The following ANO1 variants were observed in gnomAD, a reference collection of about 807,000 sequenced individuals.
ANO1 encodes the protein anoctamin 1.
In ANO1, 59 loss-of-function variants were observed where a neutral mutation model predicts 124.0. The observed-to-expected ratio is 0.48, with a 90% CI of 0.39 to 0.59. The LOEUF is 0.59. ANO1 is among the 20% of genes least tolerant of loss of function. The pLI is 0.00. For synonymous variants in ANO1, 529 were observed against 532.0 expected, an observed-to-expected ratio of 0.99 and a Z score of 0.08; for missense variants, 1,059 against 1,328.0, an observed-to-expected ratio of 0.80 and a Z score of 3.15.
chr11:70,171,745 T>C (rs1269459687), intron 22 of ANO1, among the ~76,000 whole-genome samples: 4 of 152,158 alleles, frequency 2.6e-5, no homozygotes, highest in African/African-American at 2.4e-5. Flanking sequence ...GGAGGATACA[T>C]AGCTTGAGCT....
At chr11:70,083,154 C>T (rs1314294219) in intron 1 of ANO1, among the ~76,000 whole-genome samples, 9 of 152,202 alleles carry the variant, frequency 5.9e-5, no homozygotes, top group Admixed American at 4.6e-4. Flanking sequence ...CTGTCCTCCC[C>T]TAGTTCTTTA....
At position 70,179,633 on chromosome 11, in the gene ANO1, G is replaced by A. The variant is rs369552311; in HGVS notation, c.2351-371G>A. Among the ~76,000 whole-genome samples, 21 of 152,344 alleles carry A rather than the reference G, an allele frequency of 1.4e-4. 1 individual carries two copies. The highest frequency in any genetic ancestry group is 3.4e-4 in the African/African-American group (14 of 41,576). On this transcript the variant is annotated intron_variant, in intron 22 of 25. Coordinates refer to ENST00000355303, the MANE Select transcript of ANO1 (RefSeq NM_018043.7). ...CTATCCCTAAATACAGGTATCCTCC[G>A]CCAGAGCTTTAGGAGCTGCACCCCA... is the stretch of plus-strand genomic sequence containing the variant.
chr11:70,076,836 T>G (rs2044064608), upstream of ANO1, among the ~76,000 whole-genome samples: 1 of 152,120 alleles, frequency 6.6e-6, no homozygotes, highest in Admixed American at 6.5e-5. Flanking sequence ...AATGGGAGAG[T>G]CTCACTGAGG....
intron 16 of ANO1, among the ~76,000 whole-genome samples, chr11:70,158,035 A>G (rs79083860): frequency 0.11 from 17,062 of 151,178 alleles, 1,154 homozygotes; most frequent in South Asian, 0.23. Flanking sequence ...CCAAAACATG[A>G]CTTGAGCCCT....
At chr11:69,972,186 CAAAAAAAAA>C in the ANO1 span, among the ~76,000 whole-genome samples, 1 of 86,562 alleles carries the variant, frequency 1.2e-5, no homozygotes, top group Admixed American at 1.3e-4. Flanking sequence ...GACTCCGTCT[CAAAAAAAAA>C]AAAAAAAAAA....
chr11:70,167,173 G>C (rs1486400255), intron 20 of ANO1, 69 bp from the exon 21 acceptor site: 6 of 1,564,798 alleles, frequency 3.8e-6, no homozygotes, highest in Non-Finnish European at 5.2e-6. Context: ...CACATCACTA[G>C]AGGTGCCAGA....
intron 23 of ANO1, among the ~76,000 whole-genome samples, chr11:70,180,408 G>C (rs2048886000): frequency 6.6e-6 from 1 of 152,088 alleles, no homozygotes; most frequent in South Asian, 2.1e-4. Context: ...AAGTAGCCGG[G>C]ATTACAGGCA....
rs2049197418 is a variant in ANO1, at chr11:70,187,898, A to G, written c.2855A>G (p.Glu952Gly). 6.3e-7 allele frequency: 1 copy of G among 1,599,024 alleles called. No homozygotes were observed. Among genetic ancestry groups the G allele is most frequent in the East Asian group, 2.3e-5 (1 of 44,228 alleles). Residue 952 changes from glutamate to glycine, a missense_variant, in exon 26 of 26, where the codon GAG becomes GGG. Physicochemically the swap from Glu to Gly is moderately conservative, Grantham distance 98. Around this residue, in one of 2 missense-constraint regions of ANO1, gnomAD observed 809 missense variants for 1,094.9 expected, o/e 0.74. Transcript: ENST00000355303. ...QQLLETWMEK[E>G]RQKDEPPCNH... ...CTGCTGGAAACCTGGATGGAGAAGG[A>G]GCGGCAGAAGGACGAGCCGCCGTGC...
chr11:70,011,849 C>T (rs1186520613), intron 1 of ANO1, among the ~76,000 whole-genome samples: 7 of 152,194 alleles, frequency 4.6e-5, no homozygotes, highest in African/African-American at 1.7e-4. Flanking sequence ...AGAATTGTTA[C>T]TTGTGGAAGA....
At chr11:70,007,497 C>A (rs1413267234) in intron 1 of ANO1, among the ~76,000 whole-genome samples, 1 of 152,092 alleles carries the variant, frequency 6.6e-6, no homozygotes, top group Non-Finnish European at 1.5e-5. Context: ...AGGATGGTCT[C>A]GATCTCCTGA....
At position 70,032,579 on chromosome 11, in the gene ANO1, A is replaced by T. The variant is rs1189643436; in HGVS notation, c.59-45963A>T. ...GGTAGAATCCGCAGAACCCACTGTG[A>T]AGGGGTGGGCAAGGGAGGAGCCCAC... On this transcript the variant is annotated intron_variant, in intron 1 of 27. Transcript: ENST00000531349. 2.6e-5 allele frequency among the ~76,000 whole-genome samples: 4 copies of T among 151,882 alleles called. No individual in the cohort carries two copies. The East Asian group carries it at 7.8e-4, about 30-fold the overall frequency.
chr11:69,995,814 T>C (rs1856258603), intron 1 of ANO1, among the ~76,000 whole-genome samples: 1 of 152,186 alleles, frequency 6.6e-6, no homozygotes, highest in Admixed American at 6.5e-5. Context: ...TTTGAAGTAC[T>C]GGAGATTTCA....
chr11:70,048,597 C>G (rs917797621), intron 1 of ANO1, among the ~76,000 whole-genome samples: 1 of 151,896 alleles, frequency 6.6e-6, no homozygotes, highest in African/African-American at 2.4e-5. Context: ...ACCTCCCTCT[C>G]TCTTTTCTAC....
At position 69,992,274 on chromosome 11, in the gene ANO1, T is replaced by A. The variant is rs116048404; in HGVS notation, c.58+6108T>A. ...GATGGATGATGGATAAATGGATGGA[T>A]GGACAGCTGGATAGATGAATGGATG... is the stretch of plus-strand genomic sequence containing the variant. On this transcript the variant is annotated intron_variant, in intron 1 of 27. Transcript: ENST00000531349. Among the ~76,000 whole-genome samples, 615 of 152,128 alleles carry A rather than the reference T, an allele frequency of 4.0e-3. 5 individuals carry two copies. Among genetic ancestry groups the A allele is most frequent in the African/African-American group, 0.014 (579 of 41,496 alleles).
chr11:70,157,979 CAAAA>C (rs548012147), intron 16 of ANO1, among the ~76,000 whole-genome samples: 77 of 74,246 alleles, frequency 1.0e-3, no homozygotes, highest in South Asian at 1.5e-3. Flanking sequence ...GACCCTGTCT[CAAAA>C]AAAAAAAAAA....
At chr11:70,061,849 C>T (rs1423030782) in intron 1 of ANO1, among the ~76,000 whole-genome samples, 1 of 152,166 alleles carries the variant, frequency 6.6e-6, no homozygotes, top group Admixed American at 6.5e-5. Flanking sequence ...ATCTTAGGGT[C>T]AACCAATTAG....
rs548716591 is a variant in ANO1 at position 70,158,205 on chromosome 11, G to A, written c.1578+1184G>A. 1.4e-3 allele frequency among the ~76,000 whole-genome samples: 209 copies of A among 152,322 alleles called. 1 individual carries two copies. The highest frequency in any genetic ancestry group is 4.7e-3 in the African/African-American group (197 of 41,570). On this transcript the variant is annotated intron_variant, in intron 16 of 25. Transcript: ENST00000355303. ...GGGCAAACATCTTGTGGCTTTTAGGGGATTTCAATCCCAGGGACTTCAACC... is the reference window on the plus strand; with the variant it reads ...GGGCAAACATCTTGTGGCTTTTAGGAGATTTCAATCCCAGGGACTTCAACC...
At chr11:70,084,818 C>T (rs537801258) in intron 1 of ANO1, among the ~76,000 whole-genome samples, 1 of 152,306 alleles carries the variant, frequency 6.6e-6, no homozygotes, top group South Asian at 2.1e-4. Flanking sequence ...GCTGCACTCT[C>T]CCCATGCCCC....
intron 1 of ANO1, among the ~76,000 whole-genome samples, chr11:70,054,440 G>C (rs1189413124): frequency 1.3e-5 from 2 of 152,242 alleles, no homozygotes; most frequent in Admixed American, 6.5e-5. Flanking sequence ...GGTAGTGAAA[G>C]TGGGTGGCAG....
Sources: allele counts gnomAD v4.1 joint callset (sites outside exome capture counted in the v4.1 genomes callset), GRCh38; gene constraint gnomAD v4.1.1; regional missense constraint gnomAD v4.1.1; transcripts MANE v1.5; gene names NCBI Gene and HGNC (gene_info 2026-07-23, HGNC 2026-07-21).